Variants in LRRC42 observed in about 807,000 individuals in gnomAD.
LRRC42 encodes leucine rich repeat containing 42.
Under a neutral mutation model 44.3 loss-of-function variants are expected in LRRC42, and 43 were observed. The ratio of observed to expected loss-of-function variants is 0.97; its 90% CI spans 0.76 to 1.25. The LOEUF (loss-of-function observed/expected upper bound fraction) is 1.25, where lower values mean the gene tolerates loss of function less well. LRRC42 is among the 50% of genes most tolerant of loss of function. LRRC42 has a pLI of 0.00. For synonymous variants in LRRC42, 207 were observed against 195.2 expected, an observed-to-expected ratio of 1.06 and a Z score of -0.50; for missense variants, 540 against 509.1, an observed-to-expected ratio of 1.06 and a Z score of -0.58.
intron 3 of LRRC42, among the ~76,000 whole-genome samples, chr1:53,955,809 T>C (rs1348744110): frequency 5.3e-5 from 8 of 151,508 alleles, no homozygotes; most frequent in Non-Finnish European, 1.0e-4. Flanking sequence ...TTTGTATTTT[T>C]AGTAGAGATG....
rs1257320653 is a variant in LRRC42 at position 53,962,350 on chromosome 1, A to G, written c.868A>G (p.Lys290Glu). Residue 290 changes from lysine to glutamate, a missense_variant, in exon 7 of 9, where the codon AAA becomes GAA. Physicochemically the swap from Lys to Glu is moderately conservative, Grantham distance 56. Transcript: ENST00000371370. ...GACCCACATAGGCCTTGTTCACTCC[A>G]AAGTGCCTTTGAAGGAATTTGATCA... Reference protein sequence around the residue: ...LQTHIGLVHSKVPLKEFDHSN... With the variant: ...LQTHIGLVHSEVPLKEFDHSN... 2 of 1,614,224 alleles carry G rather than the reference A, an allele frequency of 1.2e-6. No homozygotes were observed. The highest frequency in any genetic ancestry group is 1.7e-6 in the Non-Finnish European group (2 of 1,180,030).
intron 5 of LRRC42, among the ~76,000 whole-genome samples, chr1:53,960,697 A>G (rs1272827983): frequency 6.6e-6 from 1 of 152,166 alleles, no homozygotes; most frequent in Admixed American, 6.5e-5. Context: ...AAACCCTTAC[A>G]CATTCATCCA....
At chr1:53,955,212 T>A (rs755024939) in intron 3 of LRRC42, among the ~76,000 whole-genome samples, 1 of 152,192 alleles carries the variant, frequency 6.6e-6, no homozygotes, top group Non-Finnish European at 1.5e-5. Context: ...TCCTATATTT[T>A]CTTAATTTTT....
chr1:53,959,840 G>A (rs750396002), intron 4 of LRRC42, among the ~76,000 whole-genome samples: 8 of 151,822 alleles, frequency 5.3e-5, no homozygotes, highest in East Asian at 1.9e-4. Flanking sequence ...TATACCTTTA[G>A]TGCCCTCTGC....
At position 53,966,196 on chromosome 1, in the gene LRRC42, G is replaced by A. The variant is rs557701698; in HGVS notation, c.928-100G>A. 5.9e-6 allele frequency: 5 copies of A among 846,436 alleles called. No individual in the cohort carries two copies. In the Admixed American group the frequency reaches 8.2e-5, roughly 14 times the overall value. The allele number at this position is 846,436 out of a possible 1,614,324, so 52.4% of individuals were successfully genotyped here. A position where few individuals can be genotyped will look rare whatever the true frequency, so the allele number is the denominator to read the frequency against. On this transcript the variant is annotated intron_variant, in intron 7 of 8. Transcript: ENST00000371370. Reference sequence around the variant, plus strand: ...CATCTGAAGTTAAATTTACCAGAGGGGTTTGTGTTTATGGAGAGGGAAAAA... The same window carrying A: ...CATCTGAAGTTAAATTTACCAGAGGAGTTTGTGTTTATGGAGAGGGAAAAA...
At chr1:53,957,561 A>T (rs1179510738) in intron 3 of LRRC42, among the ~76,000 whole-genome samples, 1 of 152,162 alleles carries the variant, frequency 6.6e-6, no homozygotes, top group African/African-American at 2.4e-5. Context: ...ATCCATCTAG[A>T]CTGGAGTGAG....
intron 7 of LRRC42, among the ~76,000 whole-genome samples, 191 bp downstream of exon 7, chr1:53,962,600 A>G (rs560593990): frequency 5.9e-5 from 9 of 152,320 alleles, no homozygotes; most frequent in African/African-American, 2.2e-4. Context: ...CAGACCTTAT[A>G]TCTCATGCTC....
At chr1:53,958,056 G>T (rs1354854791) in intron 3 of LRRC42, 93 bp from the exon 4 acceptor site, 7 of 1,524,286 alleles carry the variant, frequency 4.6e-6, no homozygotes, top group Non-Finnish European at 9.0e-7. Flanking sequence ...GTCCTGATGG[G>T]ATGGTAGGAT....
chr1:53,948,231 C>G (rs2100914204), intron 2 of LRRC42, among the ~76,000 whole-genome samples: 1 of 152,296 alleles, frequency 6.6e-6, no homozygotes, highest in East Asian at 1.9e-4. Context: ...TTCTTCTTCT[C>G]TTCAAATTAG....
chr1:53,967,584 A>G, intron 8 of LRRC42, 81 bp from the exon 9 acceptor site: 9 of 1,363,446 alleles, frequency 6.6e-6, no homozygotes, highest in South Asian at 2.6e-5. Flanking sequence ...CCTTTGTCAT[A>G]TCCCTGGGTT....
Position 53,964,819 on chromosome 1 carries a change from A to ATCG in LRRC42, c.928-1477_928-1476insTCG, listed in dbSNP as rs773488373. On this transcript the variant is annotated intron_variant, in intron 7 of 8. Transcript: ENST00000371370. ...ATCACTTGCCATGGGTCCCCTGGCA[A>ATCG]ATAAGTGGTGGAGCCAACTCTGGAA... is the stretch of plus-strand genomic sequence containing the variant. Among the ~76,000 whole-genome samples, 8 of 152,232 alleles carry ATCG rather than the reference A, an allele frequency of 5.3e-5. No individual in the cohort carries two copies. The East Asian group carries it at 9.6e-4, about 18-fold the overall frequency.
At chr1:53,951,064 A>G (rs1654665057) in intron 2 of LRRC42, among the ~76,000 whole-genome samples, 1 of 152,208 alleles carries the variant, frequency 6.6e-6, no homozygotes, top group Non-Finnish European at 1.5e-5. Context: ...TCCTTTTCTC[A>G]AGGAGCCCAA....
intron 7 of LRRC42, among the ~76,000 whole-genome samples, chr1:53,963,383 C>A (rs1655045246): frequency 6.6e-6 from 1 of 152,176 alleles, no homozygotes; most frequent in Non-Finnish European, 1.5e-5. Context: ...CAAAGGCTTG[C>A]TGCAGTTTGG....
intron 5 of LRRC42, among the ~76,000 whole-genome samples, chr1:53,960,906 G>T (rs909770468): frequency 2.0e-5 from 3 of 152,158 alleles, no homozygotes; most frequent in Non-Finnish European, 4.4e-5. Flanking sequence ...GACTCCAATG[G>T]TAAGAGGTTG....
intron 2 of LRRC42, among the ~76,000 whole-genome samples, chr1:53,949,434 T>C (rs1391436977): frequency 6.6e-6 from 1 of 152,270 alleles, no homozygotes; most frequent in Non-Finnish European, 1.5e-5. Context: ...AGAATTTGTC[T>C]TTCTGTTGTT....
rs1654956687 is a variant in LRRC42 at position 53,960,216 on chromosome 1, T to C, written c.606-140T>C. ...TGCCCAGCCCAAAAGAGCTTAACTT[T>C]GTTAAATGCATTGGGTATGAAATAG... On this transcript the variant is annotated intron_variant, in intron 4 of 8. Coordinates refer to ENST00000371370, the MANE Select transcript of LRRC42 (RefSeq NM_001256409.2). 19 of 610,874 alleles carry C rather than the reference T, an allele frequency of 3.1e-5. No individual in the cohort carries two copies. The South Asian group carries it at 4.2e-4, about 13-fold the overall frequency. 37.8% of individuals were successfully genotyped at this position (610,874 alleles called of 1,614,324 possible).
rs762928010 is a variant in LRRC42, at chr1:53,952,224, A to AT, written c.226dup (p.Tyr76LeufsTer30). 6.2e-7 allele frequency: 1 copy of AT among 1,614,232 alleles called. No individual in the cohort carries two copies. The highest frequency in any genetic ancestry group is 2.2e-5 in the East Asian group (1 of 44,884). Reference sequence around the variant, plus strand: ...AGAAGACTGATCATTTCATCTTCACATACACCCGAGAGGGGAATCTTCGGT... The same window carrying AT: ...AGAAGACTGATCATTTCATCTTCACATTACACCCGAGAGGGGAATCTTCGGT... On this transcript the variant is annotated frameshift_variant, in exon 3 of 9. Coordinates refer to ENST00000371370, the MANE Select transcript of LRRC42 (RefSeq NM_001256409.2). LOFTEE classifies it high-confidence loss of function.
At chr1:53,955,926 C>T (rs2100922737) in intron 3 of LRRC42, among the ~76,000 whole-genome samples, 1 of 152,332 alleles carries the variant, frequency 6.6e-6, no homozygotes, top group Admixed American at 6.5e-5. Flanking sequence ...CCGCGCCCGG[C>T]CAACATAATC....
intron 8 of LRRC42, 89 bp downstream of exon 8, chr1:53,966,469 T>C: frequency 1.2e-6 from 1 of 865,622 alleles, no homozygotes. Context: ...GAAAAATTAA[T>C]TATGATAGTA....
Sources: gnomAD v4.1 joint callset for allele counts (sites outside exome capture counted in the v4.1 genomes callset) on GRCh38, gnomAD v4.1.1 for gene constraint, MANE v1.5 for transcripts, NCBI Gene and HGNC (gene_info 2026-07-23, HGNC 2026-07-21) for gene names.